SLC22A23: variants seen among roughly 807,000 people sequenced by gnomAD.
SLC22A23 encodes the protein solute carrier family 22 member 23.
SLC22A23 carries 26 observed loss-of-function variants against 61.0 expected under a neutral mutation model. The observed-to-expected ratio is 0.43, with a 90% CI of 0.31 to 0.59. The LOEUF is 0.59. Among genes scored for constraint, SLC22A23 ranks in the 20% least tolerant of loss-of-function variants. The pLI is 0.11. For missense variants in SLC22A23, 796 were observed against 934.7 expected (o/e 0.85, Z 1.94); for synonymous variants, 430 against 413.9 (o/e 1.04, Z -0.47).
chr6:3,389,351 C>T (rs187310238), intron 3 of SLC22A23, among the ~76,000 whole-genome samples: 2 of 148,380 alleles, frequency 1.3e-5, no homozygotes, highest in African/African-American at 5.0e-5. Flanking sequence ...GATGCGAATA[C>T]GCTTAACATT....
At chr6:3,310,271 G>T (rs112327054) in intron 4 of SLC22A23, among the ~76,000 whole-genome samples, 55 of 132,046 alleles carry the variant, frequency 4.2e-4, no homozygotes, top group African/African-American at 1.6e-3. Flanking sequence ...GTCTCCCACT[G>T]GAGCACCCTG....
At chr6:3,411,367 G>A (rs529100496) in intron 2 of SLC22A23, among the ~76,000 whole-genome samples, 27 of 152,146 alleles carry the variant, frequency 1.8e-4, no homozygotes, top group Admixed American at 1.7e-3. Flanking sequence ...TGAGGGGCTC[G>A]AACTGTCCTA....
chr6:3,350,125 C>T (rs1261837192), intron 3 of SLC22A23, among the ~76,000 whole-genome samples: 1 of 152,198 alleles, frequency 6.6e-6, no homozygotes, highest in Non-Finnish European at 1.5e-5. Context: ...CCCAAATTTT[C>T]ATGAAACGAT....
chr6:3,334,422 A>C (rs1017502375), intron 3 of SLC22A23, among the ~76,000 whole-genome samples: 2 of 152,088 alleles, frequency 1.3e-5, no homozygotes, highest in Non-Finnish European at 2.9e-5. Flanking sequence ...CGGCCTCCCA[A>C]AGTGCTGGGA....
chr6:3,282,215 A>G, intron 9 of SLC22A23: 1 of 702,510 alleles, frequency 1.4e-6, no homozygotes, highest in Non-Finnish European at 2.6e-6. Context: ...AAGGAGAGAA[A>G]TTTCACTTTC....
chr6:3,273,532 A>G (rs1758626440), intron 9 of SLC22A23, 120 bp from the exon 10 acceptor site: 2 of 1,064,330 alleles, frequency 1.9e-6, no homozygotes, highest in Non-Finnish European at 2.7e-6. Flanking sequence ...GGCACTGCCC[A>G]GTATACCCCG....
chr6:3,415,360 G>A (rs565433873), intron 2 of SLC22A23, among the ~76,000 whole-genome samples: 9 of 152,246 alleles, frequency 5.9e-5, no homozygotes, highest in African/African-American at 2.2e-4. Flanking sequence ...GCTCGCATGG[G>A]GGAAGGGTCT....
chr6:3,409,369 C>A (rs946630861), intron 3 of SLC22A23, among the ~76,000 whole-genome samples: 2 of 152,096 alleles, frequency 1.3e-5, no homozygotes, highest in Non-Finnish European at 2.9e-5. Context: ...CTTTAATATG[C>A]AAATTTAAGA....
intron 9 of SLC22A23, among the ~76,000 whole-genome samples, chr6:3,281,507 G>A (rs9503520): frequency 0.1 from 15,545 of 152,088 alleles, 1,046 homozygotes; most frequent in African/African-American, 0.18. Flanking sequence ...TTGCTTCCAG[G>A]CAGTCCATCC....
At position 3,272,985 on chromosome 6, in the gene SLC22A23, T is replaced by C. The variant is rs928844145; in HGVS notation, c.*70A>G. ...AGCTTTCCCACCCCTGGCTGCGTGT[T>C]CGGTCCCTGGTCTGTAAACCTGTGC... On this transcript the variant is annotated 3_prime_UTR_variant, in exon 10 of 10. Transcript: ENST00000406686. The C allele has an allele frequency of 2.9e-6, 4 of 1,379,820 alleles. No homozygotes were observed. The Admixed American group carries it at 9.7e-5, about 33-fold the overall frequency. 85.5% of individuals were successfully genotyped at this position (1,379,820 alleles called of 1,614,324 possible).
At chr6:3,451,894 C>T (rs1417233094) in intron 1 of SLC22A23, among the ~76,000 whole-genome samples, 1 of 152,174 alleles carries the variant, frequency 6.6e-6, no homozygotes, top group African/African-American at 2.4e-5. Flanking sequence ...TCAGTAGAAA[C>T]TGTATCGATA....
chr6:3,291,689 C>G (rs750718427), intron 5 of SLC22A23: 4 of 152,206 alleles, frequency 2.6e-5, no homozygotes, highest in African/African-American at 4.8e-5. Flanking sequence ...TTATAAAGAG[C>G]TTGAAAATAT....
Position 3,390,092 on chromosome 6 carries a change from G to A in SLC22A23, c.913+20096C>T, listed in dbSNP as rs569326396. ...CTGGCACGGCATCACTGGGCCAGTT[G>A]CCACCATCCGTCCGTGGGCTCATCC... On this transcript the variant is annotated intron_variant, in intron 3 of 9. Transcript: ENST00000406686. This position sits in a 1 kb window ranked among gnomAD's most constrained non-coding sequence, Gnocchi z 4.0. Among the ~76,000 whole-genome samples, 7 of 152,282 alleles carry A rather than the reference G, an allele frequency of 4.6e-5. No individual in the cohort carries two copies. The highest frequency in any genetic ancestry group is 2.0e-4 in the Admixed American group (3 of 15,296).
At chr6:3,344,929 A>AAGAAT (rs1554141860) in intron 3 of SLC22A23, among the ~76,000 whole-genome samples, 1 of 151,618 alleles carries the variant, frequency 6.6e-6, no homozygotes, top group Non-Finnish European at 1.5e-5. Flanking sequence ...CCTAGTCTTG[A>AAGAAT]TGTTCAAGAA....
rs994902240 is a variant in SLC22A23 at position 3,414,049 on chromosome 6, G to T, written c.758+1703C>A. ...TCCTCAGGCCTGGTGTGTGATCAGG[G>T]AGGCCACATCACATGTGTGTACAAG... On this transcript the variant is annotated intron_variant, in intron 2 of 9. Transcript: ENST00000406686. The surrounding 1 kb of genome is among the most constrained non-coding windows in gnomAD (Gnocchi z 5.1). Among the ~76,000 whole-genome samples the T allele has an allele frequency of 2.6e-5, 4 of 152,200 alleles. No individual in the cohort carries two copies. The highest frequency in any genetic ancestry group is 7.2e-5 in the African/African-American group (3 of 41,434).
At chr6:3,418,385 G>A (rs888837110) in intron 1 of SLC22A23, among the ~76,000 whole-genome samples, 1 of 152,210 alleles carries the variant, frequency 6.6e-6, no homozygotes, top group Non-Finnish European at 1.5e-5. Flanking sequence ...AAGCATTTAG[G>A]GGACTGGAGG....
chr6:3,336,531 C>T (rs188013275), intron 3 of SLC22A23, among the ~76,000 whole-genome samples: 1 of 152,342 alleles, frequency 6.6e-6, no homozygotes, highest in African/African-American at 2.4e-5. Flanking sequence ...GGCTGCTCTT[C>T]TCACATAACT....
chr6:3,386,661 C>A lies in SLC22A23; in HGVS notation c.913+23527G>T, dbSNP rs1767329463. 6.6e-6 allele frequency among the ~76,000 whole-genome samples: 1 copy of A among 152,236 alleles called. No homozygotes were observed. The highest frequency in any genetic ancestry group is 1.5e-5 in the Non-Finnish European group (1 of 68,050). On this transcript the variant is annotated intron_variant, in intron 3 of 9. Coordinates refer to ENST00000406686, the MANE Select transcript of SLC22A23 (RefSeq NM_015482.2). The surrounding 1 kb of genome is among the most constrained non-coding windows in gnomAD (Gnocchi z 4.4). ...CGGCCTTCCAGGGCCAACCCTCTTG[C>A]TCTACAGATGAAAAGAGTGAATCCA...
rs527415616 is a variant in SLC22A23 at position 3,318,053 on chromosome 6, C to A, written c.1082+5781G>T. Among the ~76,000 whole-genome samples the A allele has an allele frequency of 2.1e-4, 32 of 152,324 alleles. No homozygotes were observed. Among genetic ancestry groups the A allele is most frequent in the Non-Finnish European group, 4.3e-4 (29 of 68,026 alleles). On this transcript the variant is annotated intron_variant, in intron 4 of 9. Transcript: ENST00000406686. The surrounding 1 kb of genome is among the most constrained non-coding windows in gnomAD (Gnocchi z 4.3). ...AGAGACTCCTGTGCTCACTGCACCCCCTGCCAAGTCCCTGTCCAGTCTCTG... is the reference window on the plus strand; with the variant it reads ...AGAGACTCCTGTGCTCACTGCACCCACTGCCAAGTCCCTGTCCAGTCTCTG...
Sources: allele counts gnomAD v4.1 joint callset (sites outside exome capture counted in the v4.1 genomes callset), GRCh38; gene constraint gnomAD v4.1.1; non-coding constraint Gnocchi (gnomAD v3.1); transcripts MANE v1.5; gene names NCBI Gene and HGNC (gene_info 2026-07-23, HGNC 2026-07-21).